PTPRT: variants seen among roughly 807,000 people sequenced by gnomAD.
PTPRT encodes protein tyrosine phosphatase receptor type T, also known as receptor-type tyrosine-protein phosphatase T.
A neutral mutation model predicts 176.8 loss-of-function variants in PTPRT; 56 were observed. The observed-to-expected ratio is 0.32, with a 90% CI of 0.26 to 0.40. The LOEUF (loss-of-function observed/expected upper bound fraction) is 0.40, where lower values mean the gene tolerates loss of function less well. Ranked by LOEUF, PTPRT falls within the 10% of genes least tolerant of loss-of-function variation. The pLI, the probability that PTPRT is intolerant of heterozygous loss-of-function variation, is 1.00. For missense variants in PTPRT, 1,540 were observed against 1,908.2 expected, an observed-to-expected ratio of 0.81 and a Z score of 3.60; for synonymous variants, 783 against 739.0, an observed-to-expected ratio of 1.06 and a Z score of -0.96.
chr20:42,352,665 C>T (rs542791673), intron 9 of PTPRT, among the ~76,000 whole-genome samples: 129 of 152,136 alleles, frequency 8.5e-4, no homozygotes, highest in Non-Finnish European at 9.1e-4. Context: ...GCACAACAGG[C>T]GGTCTATGGT....
chr20:42,397,388 G>A (rs1480720903), intron 9 of PTPRT, among the ~76,000 whole-genome samples: 1 of 152,142 alleles, frequency 6.6e-6, no homozygotes, highest in Non-Finnish European at 1.5e-5. Flanking sequence ...GGATACCAAT[G>A]AATCTGTCAC....
At chr20:42,055,067 C>G in the PTPRT span, among the ~76,000 whole-genome samples, 2 of 152,104 alleles carry the variant, frequency 1.3e-5, no homozygotes, top group Non-Finnish European at 2.9e-5. Flanking sequence ...GCACATGTAC[C>G]CTAAAACTTA....
At chr20:43,100,794 G>A (rs2012364942) in intron 1 of PTPRT, among the ~76,000 whole-genome samples, 2 of 152,086 alleles carry the variant, frequency 1.3e-5, no homozygotes, top group African/African-American at 4.8e-5. Context: ...GCGCAAAGAG[G>A]GAAGGTGCCC....
chr20:42,965,603 T>A (rs1982246386), intron 1 of PTPRT, among the ~76,000 whole-genome samples: 1 of 152,176 alleles, frequency 6.6e-6, no homozygotes, highest in Non-Finnish European at 1.5e-5. Flanking sequence ...TTCCAGCATA[T>A]CACCGTTTAA....
At chr20:42,060,467 T>C in the PTPRT span, among the ~76,000 whole-genome samples, 1 of 152,228 alleles carries the variant, frequency 6.6e-6, no homozygotes. Flanking sequence ...AATCTCCTCC[T>C]GAATTCCCAG....
rs541888777 is a variant in PTPRT at position 42,715,569 on chromosome 20, T to G, written c.860-37410A>C. On this transcript the variant is annotated intron_variant, in intron 6 of 30. Coordinates refer to ENST00000373187, the MANE Select transcript of PTPRT (RefSeq NM_007050.6). ...CAGGCACTGCAGAAGAAAGAGTCCTTGAATATAAAAGCAGATCAACAGAAC... is the reference window on the plus strand; with the variant it reads ...CAGGCACTGCAGAAGAAAGAGTCCTGGAATATAAAAGCAGATCAACAGAAC... 2.4e-4 allele frequency among the ~76,000 whole-genome samples: 37 copies of G among 152,226 alleles called. 1 individual carries two copies. In the South Asian group the frequency reaches 7.0e-3, roughly 29 times the overall value.
At chr20:42,242,181 T>C (rs2056367515) in intron 14 of PTPRT, among the ~76,000 whole-genome samples, 1 of 152,222 alleles carries the variant, frequency 6.6e-6, no homozygotes, top group South Asian at 2.1e-4. Flanking sequence ...GTCTTCCACA[T>C]ACTGCCTCCA....
At chr20:42,960,112 T>C (rs2146037955) in intron 1 of PTPRT, among the ~76,000 whole-genome samples, 1 of 152,164 alleles carries the variant, frequency 6.6e-6, no homozygotes, top group East Asian at 1.9e-4. Flanking sequence ...TACTAGCTAC[T>C]AGGAACTCCC....
intron 9 of PTPRT, among the ~76,000 whole-genome samples, chr20:42,426,896 T>C (rs1390166569): frequency 1.3e-5 from 2 of 152,150 alleles, no homozygotes; most frequent in African/African-American, 4.8e-5. Context: ...CAGCAGGTGA[T>C]GGATGCAGGA....
At chr20:42,741,561 G>A (rs1050924612) in intron 6 of PTPRT, among the ~76,000 whole-genome samples, 1 of 152,108 alleles carries the variant, frequency 6.6e-6, no homozygotes, top group East Asian at 1.9e-4. Context: ...GGCCAGGCTG[G>A]TCTCGAACTC....
chr20:42,893,266 A>G (rs566361816), intron 1 of PTPRT, among the ~76,000 whole-genome samples: 89 of 152,370 alleles, frequency 5.8e-4, no homozygotes, highest in African/African-American at 2.1e-3. Flanking sequence ...AAAAATGCTC[A>G]TCATCACTGG....
chr20:42,131,320 G>C (rs914072928), intron 18 of PTPRT, among the ~76,000 whole-genome samples: 1 of 152,194 alleles, frequency 6.6e-6, no homozygotes, highest in African/African-American at 2.4e-5. Flanking sequence ...GAAGCTGTAG[G>C]CCTCAAAAAA....
At chr20:42,048,480 C>T in the PTPRT span, among the ~76,000 whole-genome samples, 13 of 152,250 alleles carry the variant, frequency 8.5e-5, no homozygotes, top group East Asian at 2.5e-3. Flanking sequence ...TCTTTTGGGG[C>T]ACTCACATTT....
chr20:42,577,837 C>CTGTGTGTGTGTGTGTGTGTGTGTGTGTG (rs11468271), intron 7 of PTPRT, among the ~76,000 whole-genome samples: 36 of 139,430 alleles, frequency 2.6e-4, no homozygotes, highest in African/African-American at 9.2e-4. Context: ...CTGAGCAAGG[C>CTGTGTGTGTGTGTGTGTGTGTGTGTGTG]TGTGTGTGTG....
intron 1 of PTPRT, among the ~76,000 whole-genome samples, chr20:43,074,640 T>G (rs2011229973): frequency 6.6e-6 from 1 of 152,220 alleles, no homozygotes; most frequent in South Asian, 2.1e-4. Flanking sequence ...AATGTCAGTC[T>G]GCTTTCCACA....
intron 7 of PTPRT, among the ~76,000 whole-genome samples, chr20:42,534,714 T>C (rs1672210477): frequency 6.6e-6 from 1 of 152,140 alleles, no homozygotes; most frequent in South Asian, 2.1e-4. Context: ...ATCAACATTA[T>C]CATGAGTGAC....
Position 42,352,285 on chromosome 20 carries a change from TCTGTAGGACAAGC to T in PTPRT, c.1561-13_1561-1del. On this transcript the variant is annotated splice_acceptor_variant and splice_polypyrimidine_tract_variant and intron_variant, in intron 9 of 30. Transcript: ENST00000373187. LOFTEE classifies it high-confidence loss of function. Reference sequence around the variant, plus strand: ...AGCGAGCCGACAGCCTTGTAGTTGATCTGTAGGACAAGCCAGCAAACAAACAAACAAATAAATG... The same window carrying T: ...AGCGAGCCGACAGCCTTGTAGTTGATCAGCAAACAAACAAACAAATAAATG... 6.2e-7 allele frequency: 1 copy of T among 1,614,032 alleles called. No homozygotes were observed. The highest frequency in any genetic ancestry group is 8.5e-7 in the Non-Finnish European group (1 of 1,179,990).
chr20:42,707,504 G>A (rs749993071), intron 6 of PTPRT, among the ~76,000 whole-genome samples: 1 of 152,168 alleles, frequency 6.6e-6, no homozygotes, highest in Non-Finnish European at 1.5e-5. Flanking sequence ...TTATTTGAGA[G>A]ACAGGCTCCA....
chr20:42,834,220 T>C (rs985053256), intron 2 of PTPRT, among the ~76,000 whole-genome samples: 1 of 152,086 alleles, frequency 6.6e-6, no homozygotes, highest in Admixed American at 6.5e-5. Flanking sequence ...CTAAAGAAGA[T>C]GTACAGAAAG....
Sources: allele counts gnomAD v4.1 joint callset (sites outside exome capture counted in the v4.1 genomes callset), GRCh38; gene constraint gnomAD v4.1.1; transcripts MANE v1.5; gene names NCBI Gene and HGNC (gene_info 2026-07-23, HGNC 2026-07-21).